The following GNAS-AS1 variants were observed in gnomAD, a reference collection of about 807,000 sequenced individuals.
The protein encoded by GNAS-AS1 is GNAS antisense RNA 1.
At chr20:58,842,067 C>A in exon 4 of GNAS-AS1, 1 of 435,690 alleles carries the variant, frequency 2.3e-6, no homozygotes, top group African/African-American at 2.0e-5. Context: ...GGAGGGGAGG[C>A]GAGGCGGCGT....
intron 4 of GNAS-AS1, chr20:58,839,931 G>A: frequency 1.6e-6 from 1 of 644,268 alleles, no homozygotes; most frequent in Middle Eastern, 4.3e-4. Flanking sequence ...GTTCTTAAGT[G>A]GTCAGGAAGG....
Position 58,841,353 on chromosome 20 carries a change from T to A in GNAS-AS1, n.819+584A>T, listed in dbSNP as rs1157949549. 2.9e-6 allele frequency: 3 copies of A among 1,048,760 alleles called. No individual in the cohort carries two copies. The highest frequency in any genetic ancestry group is 3.5e-6 in the Non-Finnish European group (3 of 869,130). The allele number at this position is 1,048,760 out of a possible 1,614,324, so 65.0% of individuals were successfully genotyped here. A position where few individuals can be genotyped will look rare whatever the true frequency, so the allele number is the denominator to read the frequency against. ...TTTCACGATGTGAGAGCAGCCGCGC[T>A]GTAGAGACACCGTTGAAATGTGCGG... On this transcript the variant is annotated intron_variant and non_coding_transcript_variant, in intron 4 of 4. Transcript: ENST00000424094. The surrounding 1 kb of genome is among the most constrained non-coding windows in gnomAD (Gnocchi z 5.0).
chr20:58,820,418 C>T (rs557122679), intron 4 of GNAS-AS1, among the ~76,000 whole-genome samples: 1 of 152,346 alleles, frequency 6.6e-6, no homozygotes, highest in South Asian at 2.1e-4. Flanking sequence ...AGGGAGCTCT[C>T]CAAGGGTGCC....
chr20:58,832,456 G>A (rs1031821402), intron 4 of GNAS-AS1, among the ~76,000 whole-genome samples: 3 of 152,162 alleles, frequency 2.0e-5, no homozygotes, highest in Non-Finnish European at 2.9e-5. Context: ...TGATAAAAAT[G>A]GTTCTTAAAT....
chr20:58,818,991 G>C (rs2085467193), exon 5 of GNAS-AS1: 1 of 398,386 alleles, frequency 2.5e-6, no homozygotes, highest in African/African-American at 2.1e-5. Flanking sequence ...AATTCTAATG[G>C]ACATGTGCAG....
intron 4 of GNAS-AS1, among the ~76,000 whole-genome samples, chr20:58,835,365 A>G (rs1191801433): frequency 6.6e-6 from 1 of 152,174 alleles, no homozygotes; most frequent in Admixed American, 6.5e-5. Flanking sequence ...GACCTCTGAC[A>G]ATAGCCTGCA....
rs374954928 is a variant in GNAS-AS1, at chr20:58,840,639, C to T, written n.819+1298G>A. 6 of 1,605,926 alleles carry T rather than the reference C, an allele frequency of 3.7e-6. No homozygotes were observed. Among genetic ancestry groups the T allele is most frequent in the Admixed American group, 1.7e-5 (1 of 59,824 alleles). On this transcript the variant is annotated intron_variant and non_coding_transcript_variant, in intron 4 of 4. Coordinates refer to ENST00000424094, the Ensembl canonical transcript of GNAS-AS1. The surrounding 1 kb of genome is among the most constrained non-coding windows in gnomAD (Gnocchi z 6.0). ...AGCCCCGACGCCTCCCCAAGTCGCG[C>T]GCCGCCCAGCACTCAGGAGCCCCAG...
chr20:58,839,858 TC>T (rs913132536), intron 4 of GNAS-AS1: 1 of 596,114 alleles, frequency 1.7e-6, no homozygotes, highest in Non-Finnish European at 3.0e-6. Flanking sequence ...GACAGAACTT[TC>T]CCCTTTTTTC....
Position 58,840,735 on chromosome 20 carries a change from C to A in GNAS-AS1, n.819+1202G>T. ...AGGGACCCCGAAGAGTCGAAGGAGCCCAAGGAGGAGAAGCAGCGGCGTCGC... is the reference window on the plus strand; with the variant it reads ...AGGGACCCCGAAGAGTCGAAGGAGCACAAGGAGGAGAAGCAGCGGCGTCGC... On this transcript the variant is annotated intron_variant and non_coding_transcript_variant, in intron 4 of 4. Coordinates refer to ENST00000424094, the Ensembl canonical transcript of GNAS-AS1. The surrounding 1 kb of genome is among the most constrained non-coding windows in gnomAD (Gnocchi z 6.0). The A allele has an allele frequency of 1.9e-6, 3 of 1,605,050 alleles. No individual in the cohort carries two copies. Among genetic ancestry groups the A allele is most frequent in the Non-Finnish European group, 2.5e-6 (3 of 1,179,552 alleles).
chr20:58,843,822 T>A (rs915914978), intron 2 of GNAS-AS1, among the ~76,000 whole-genome samples: 10 of 152,228 alleles, frequency 6.6e-5, no homozygotes, highest in African/African-American at 2.4e-4. Context: ...AGCTGGGAAT[T>A]TATGTTGCAA....
At chr20:58,837,266 G>A (rs1243889622) in intron 4 of GNAS-AS1, among the ~76,000 whole-genome samples, 1 of 152,142 alleles carries the variant, frequency 6.6e-6, no homozygotes, top group Non-Finnish European at 1.5e-5. Flanking sequence ...TAAAGTGGGT[G>A]GGTCAGTGTA....
At position 58,840,925 on chromosome 20, in the gene GNAS-AS1, G is replaced by C. The variant is rs750784274; in HGVS notation, n.819+1012C>G. 2.5e-6 allele frequency: 4 copies of C among 1,606,756 alleles called. No individual in the cohort carries two copies. In the East Asian group the frequency reaches 8.9e-5, roughly 36 times the overall value. ...CGCTAAACTGGGGAGCCTGAGGGCGGTGTGGGAGCAGCGCAGGTGGAAAGG... is the reference window on the plus strand; with the variant it reads ...CGCTAAACTGGGGAGCCTGAGGGCGCTGTGGGAGCAGCGCAGGTGGAAAGG... On this transcript the variant is annotated intron_variant and non_coding_transcript_variant, in intron 4 of 4. Coordinates refer to ENST00000424094, the Ensembl canonical transcript of GNAS-AS1. The surrounding 1 kb of genome is among the most constrained non-coding windows in gnomAD (Gnocchi z 6.0).
intron 1 of GNAS-AS1, among the ~76,000 whole-genome samples, chr20:58,849,780 G>C (rs1022939345): frequency 6.6e-6 from 1 of 152,154 alleles, no homozygotes; most frequent in African/African-American, 2.4e-5. Flanking sequence ...TTCCTTCACC[G>C]TGCTAGGTCT....
At chr20:58,839,743 G>A (rs2085651504) in intron 4 of GNAS-AS1, 1 of 504,704 alleles carries the variant, frequency 2.0e-6, no homozygotes, top group Non-Finnish European at 3.5e-6. Flanking sequence ...GTCCCTCCTC[G>A]CCTCAGTCTC....
intron 4 of GNAS-AS1, among the ~76,000 whole-genome samples, chr20:58,822,506 T>A (rs1392167679): frequency 1.3e-5 from 2 of 152,146 alleles, no homozygotes; most frequent in Non-Finnish European, 1.5e-5. Context: ...TTCTGTAAAA[T>A]CTGCGGACAC....
chr20:58,833,196 G>GA, intron 4 of GNAS-AS1, among the ~76,000 whole-genome samples: 1 of 152,326 alleles, frequency 6.6e-6, no homozygotes, highest in African/African-American at 2.4e-5. Context: ...TCACATGCCT[G>GA]AAACCAAATC....
At chr20:58,845,438 T>C (rs77612018) in intron 2 of GNAS-AS1, among the ~76,000 whole-genome samples, 427 of 152,304 alleles carry the variant, frequency 2.8e-3, no homozygotes, top group South Asian at 5.2e-3. Flanking sequence ...GTTTATGCAC[T>C]GCAGGACCTT....
rs1333000387 is a variant in GNAS-AS1, at chr20:58,849,762, C to A, written n.374+768G>T. On this transcript the variant is annotated intron_variant and non_coding_transcript_variant, in intron 1 of 4. Coordinates refer to ENST00000424094, the Ensembl canonical transcript of GNAS-AS1. ...CCCCTCTTGAGTGCCGTCCTTCAGC[C>A]TTCCTGCTTCCTTCACCGTGCTAGG... 2.0e-5 allele frequency among the ~76,000 whole-genome samples: 3 copies of A among 152,220 alleles called. No individual in the cohort carries two copies. The East Asian group carries it at 5.8e-4, about 29-fold the overall frequency.
rs768408948 is a variant in GNAS-AS1, at chr20:58,840,063, C to A, written n.819+1874G>T. The A allele has an allele frequency of 2.5e-6, 4 of 1,602,800 alleles. No individual in the cohort carries two copies. The highest frequency in any genetic ancestry group is 3.4e-6 in the Non-Finnish European group (4 of 1,176,426). Reference sequence around the variant, plus strand: ...CAATGTGCTTCGGAGCCACTCTCTGCAGAGCCAGAGGGCAGGCCGGCTTCT... The same window carrying A: ...CAATGTGCTTCGGAGCCACTCTCTGAAGAGCCAGAGGGCAGGCCGGCTTCT... On this transcript the variant is annotated intron_variant and non_coding_transcript_variant, in intron 4 of 4. Coordinates refer to ENST00000424094, the Ensembl canonical transcript of GNAS-AS1. The surrounding 1 kb of genome is among the most constrained non-coding windows in gnomAD (Gnocchi z 6.0).
Sources: allele counts gnomAD v4.1 joint callset (sites outside exome capture counted in the v4.1 genomes callset), GRCh38; gene constraint gnomAD v4.1.1; non-coding constraint Gnocchi (gnomAD v3.1); transcripts MANE v1.5; gene names NCBI Gene and HGNC (gene_info 2026-07-23, HGNC 2026-07-21).